SLC16A3: variants seen among roughly 807,000 people sequenced by gnomAD.
SLC16A3 encodes solute carrier family 16 member 3, also known as monocarboxylate transporter 4.
Under a neutral mutation model 25.0 loss-of-function variants are expected in SLC16A3, and 22 were observed. That is an observed-to-expected ratio of 0.88 (90% CI 0.63 to 1.26). SLC16A3 has a LOEUF of 1.26. Among genes scored for constraint, SLC16A3 ranks in the 50% most tolerant of loss-of-function variants. SLC16A3 has a pLI of 0.00. For synonymous variants in SLC16A3, 390 were observed against 309.2 expected (o/e 1.26, Z -2.74); for missense variants, 731 against 666.6 (o/e 1.10, Z -1.06).
chr17:82,239,186 C>A lies in SLC16A3; in HGVS notation c.*210C>A. On this transcript the variant is annotated 3_prime_UTR_variant, in exon 5 of 5. Transcript: ENST00000582743. ...GAGTGGATCTGCGGTGAAGCCAAGCCGCAAGGTTACAAGGCATCCTCACCA... is the reference window on the plus strand; with the variant it reads ...GAGTGGATCTGCGGTGAAGCCAAGCAGCAAGGTTACAAGGCATCCTCACCA... 1 of 476,668 alleles carries A rather than the reference C, an allele frequency of 2.1e-6. No homozygotes were observed. Among genetic ancestry groups the A allele is most frequent in the Non-Finnish European group, 3.6e-6 (1 of 279,486 alleles). 29.5% of individuals were successfully genotyped at this position (476,668 alleles called of 1,614,324 possible).
At chr17:82,224,826 G>A (rs1346031644), upstream of SLC16A3, among the ~76,000 whole-genome samples, 2 of 151,740 alleles carry the variant, frequency 1.3e-5, no homozygotes, top group African/African-American at 4.8e-5. Flanking sequence ...CCACATAACC[G>A]GCCCTCTCAT....
chr17:82,229,549 T>G, intron 1 of SLC16A3: 1 of 152,208 alleles, frequency 6.6e-6, no homozygotes, highest in East Asian at 1.9e-4. Flanking sequence ...GCACTTGCGC[T>G]CGGGCCGTGG....
intron 1 of SLC16A3, among the ~76,000 whole-genome samples, chr17:82,220,815 A>T (rs11651738): frequency 0.76 from 114,587 of 151,376 alleles, 44,036 homozygotes; most frequent in East Asian, 0.93. Context: ...TTAATTAATT[A>T]ATTTAATTTA....
chr17:82,222,249 G>C (rs111987134), intron 1 of SLC16A3, among the ~76,000 whole-genome samples: 30 of 85,196 alleles, frequency 3.5e-4, no homozygotes, highest in South Asian at 8.8e-4. Flanking sequence ...CGTTCGTGGA[G>C]AGGAGCGTCG....
At chr17:82,232,515 ACT>A (rs1271558605) in intron 1 of SLC16A3, among the ~76,000 whole-genome samples, 3 of 152,018 alleles carry the variant, frequency 2.0e-5, no homozygotes, top group African/African-American at 4.8e-5. Context: ...GTCCAGGTTG[ACT>A]CTGCAGGACG....
intron 1 of SLC16A3, chr17:82,229,969 G>C (rs1167473319): frequency 1.3e-5 from 2 of 152,576 alleles, no homozygotes; most frequent in African/African-American, 2.4e-5. Flanking sequence ...TGGGCTGAAA[G>C]GGTCCCTCTC....
At chr17:82,236,588 T>G in intron 2 of SLC16A3, 141 bp from the exon 3 acceptor site, 1 of 1,265,016 alleles carries the variant, frequency 7.9e-7, no homozygotes, top group Non-Finnish European at 1.1e-6. Flanking sequence ...TCGGGGAGCC[T>G]GCCCACGGGG....
chr17:82,228,663 G>A (rs946768933), upstream of SLC16A3: 1 of 152,400 alleles, frequency 6.6e-6, no homozygotes, highest in Non-Finnish European at 1.5e-5. Flanking sequence ...GGGGGGCGAG[G>A]GGTCGCTGCC....
At chr17:82,222,777 TG>T (rs1457101005) in intron 1 of SLC16A3, among the ~76,000 whole-genome samples, 1 of 123,530 alleles carries the variant, frequency 8.1e-6, no homozygotes, top group Non-Finnish European at 1.6e-5. Flanking sequence ...CACTCCAGCC[TG>T]GGGGACAAGA....
At chr17:82,232,628 C>T (rs1026592547) in intron 1 of SLC16A3, among the ~76,000 whole-genome samples, 20 of 152,222 alleles carry the variant, frequency 1.3e-4, no homozygotes, top group African/African-American at 4.8e-4. Flanking sequence ...ATGGTCGAAT[C>T]CTGGTCTAAA....
chr17:82,221,560 C>T (rs887445691), intron 1 of SLC16A3, among the ~76,000 whole-genome samples: 4 of 150,490 alleles, frequency 2.7e-5, no homozygotes, highest in African/African-American at 4.9e-5. Flanking sequence ...CAGAGTAAGA[C>T]CCTGTTCCAA....
chr17:82,236,733 G>A lies in SLC16A3; in HGVS notation c.228G>A (p.Pro76=), dbSNP rs777014873. The part of the protein sequence containing the change: ...ILLAMLYGTG[P]LCSVCVNRFG... ...CTCAGCTGCTGCCCTCTCCAGGTCC[G>A]CTCTGCAGTGTGTGCGTGAACCGCT... Residue 76 remains proline (P), a synonymous_variant, in exon 3 of 5, where the codon CCG becomes CCA. Coordinates refer to ENST00000582743, the MANE Select transcript of SLC16A3 (RefSeq NM_004207.4). The A allele has an allele frequency of 4.4e-6, 7 of 1,606,018 alleles. No individual in the cohort carries two copies. Among genetic ancestry groups the A allele is most frequent in the African/African-American group, 1.3e-5 (1 of 74,914 alleles).
chr17:82,237,960 G>C lies in SLC16A3; in HGVS notation c.1123+67G>C, dbSNP rs1009411071. ...CCCGTCAGACGCCCGCTTTGCGAGG[G>C]GGGGGACGCGCACCCCTCGGCAGCC... is the stretch of plus-strand genomic sequence containing the variant. On this transcript the variant is annotated intron_variant, in intron 4 of 4. Coordinates refer to ENST00000582743, the MANE Select transcript of SLC16A3 (RefSeq NM_004207.4). 9.8e-6 allele frequency: 15 copies of C among 1,536,212 alleles called. No homozygotes were observed. The East Asian group carries it at 1.6e-4, about 16-fold the overall frequency.
At position 82,237,587 on chromosome 17, in the gene SLC16A3, A is replaced by G. The variant is rs140282073; in HGVS notation, c.817A>G (p.Ile273Val). The change falls in exon 4 of 5, where the codon ATT becomes GTT. Residue 273 changes from isoleucine (I) to valine (V), a missense_variant. Transcript: ENST00000582743. ...AAFLLTILGFIDIFARPAAGF... is the reference protein window; with the variant it reads ...AAFLLTILGFVDIFARPAAGF... The stretch of plus-strand genomic sequence containing the variant: ...CTTCCTGCTCACCATCCTGGGCTTC[A>G]TTGACATCTTCGCGCGGCCGGCCGC... 9.9e-6 allele frequency: 16 copies of G among 1,612,064 alleles called. No homozygotes were observed. Among genetic ancestry groups the G allele is most frequent in the African/African-American group, 8.0e-5 (6 of 74,786 alleles).
chr17:82,237,905 G>A lies in SLC16A3; in HGVS notation c.1123+12G>A, dbSNP rs367967082. 160 of 1,593,614 alleles carry A rather than the reference G, an allele frequency of 1.0e-4. No individual in the cohort carries two copies. The East Asian group carries it at 1.0e-3, about 10-fold the overall frequency. On this transcript the variant is annotated intron_variant, in intron 4 of 4. Coordinates refer to ENST00000582743, the MANE Select transcript of SLC16A3 (RefSeq NM_004207.4). The stretch of plus-strand genomic sequence containing the variant: ...GCCCCCTTCGGGAGGTGAGCGCTGC[G>A]CCCCCAGGCAGTTCCCCACACCTGC...
rs148253708 is a variant in SLC16A3 at position 82,237,560 on chromosome 17, G to A, written c.790G>A (p.Ala264Thr). Reference sequence around the variant, plus strand: ...CCTGGGCGTGCCCGACACCAAGGCCGCCTTCCTGCTCACCATCCTGGGCTT... The same window carrying A: ...CCTGGGCGTGCCCGACACCAAGGCCACCTTCCTGCTCACCATCCTGGGCTT... ...KDLGVPDTKA[A>T]FLLTILGFID... Residue 264 changes from alanine to threonine, a missense_variant, in exon 4 of 5, where the codon GCC (alanine) becomes ACC (threonine). By Grantham distance (58) the Ala-to-Thr change is moderately conservative. Coordinates refer to ENST00000582743, the MANE Select transcript of SLC16A3 (RefSeq NM_004207.4). 8.1e-6 allele frequency: 13 copies of A among 1,611,176 alleles called. No individual in the cohort carries two copies. Among genetic ancestry groups the A allele is most frequent in the Middle Eastern group, 1.7e-4 (1 of 6,054 alleles).
At chr17:82,222,840 G>C (rs999361912) in intron 1 of SLC16A3, among the ~76,000 whole-genome samples, 6 of 148,464 alleles carry the variant, frequency 4.0e-5, no homozygotes, top group African/African-American at 1.5e-4. Context: ...AGCACTGATA[G>C]ACCCTCTCCC....
At position 82,239,844 on chromosome 17, in the gene SLC16A3, G is replaced by C. The variant is rs2050715490; in HGVS notation, c.*868G>C. 1 of 465,460 alleles carries C rather than the reference G, an allele frequency of 2.1e-6. No homozygotes were observed. Among genetic ancestry groups the C allele is most frequent in the East Asian group, 3.5e-5 (1 of 28,286 alleles). 28.8% of individuals were successfully genotyped at this position (465,460 alleles called of 1,614,324 possible). ...CGTGGTGTGGTCAGTGCCCAGGGCT[G>C]GTCTTTGCACCCTGTCCTCCATCCA... On this transcript the variant is annotated 3_prime_UTR_variant, in exon 5 of 5. Coordinates refer to ENST00000582743, the MANE Select transcript of SLC16A3 (RefSeq NM_004207.4).
At chr17:82,222,184 C>T (rs943506128) in intron 1 of SLC16A3, among the ~76,000 whole-genome samples, 8 of 103,984 alleles carry the variant, frequency 7.7e-5, no homozygotes, top group African/African-American at 3.9e-4. Flanking sequence ...CCCCCAACTC[C>T]GCTCCCACGT....
Sources: gnomAD v4.1 joint callset for allele counts (sites outside exome capture counted in the v4.1 genomes callset) on GRCh38, gnomAD v4.1.1 for gene constraint, MANE v1.5 for transcripts, NCBI Gene and HGNC (gene_info 2026-07-23, HGNC 2026-07-21) for gene names.